The following IKZF1 variants were observed in gnomAD, a reference collection of about 807,000 sequenced individuals.
IKZF1 encodes the protein IKAROS family zinc finger 1.
In IKZF1, 10 loss-of-function variants were observed where a neutral mutation model predicts 51.7. That is an observed-to-expected ratio of 0.19 (90% confidence interval 0.12 to 0.33). The LOEUF is 0.33. IKZF1 is among the 10% of genes least tolerant of loss of function. The pLI is 1.00. For missense variants in IKZF1, 484 were observed against 707.5 expected, an observed-to-expected ratio of 0.68 and a Z score of 3.58; for synonymous variants, 280 against 282.3, an observed-to-expected ratio of 0.99 and a Z score of 0.08.
chr7:50,365,516 A>T (rs1286945344), intron 3 of IKZF1, among the ~76,000 whole-genome samples: 1 of 152,272 alleles, frequency 6.6e-6, no homozygotes, highest in African/African-American at 2.4e-5. Flanking sequence ...CATGTGGCCC[A>T]CAATCATATG....
intron 1 of IKZF1, among the ~76,000 whole-genome samples, chr7:50,305,867 C>G (rs1005495595): frequency 6.6e-6 from 1 of 152,046 alleles, no homozygotes; most frequent in East Asian, 1.9e-4. Context: ...CATAGACATT[C>G]AAATGCTTTT....
upstream of IKZF1, chr7:50,304,243 GGGGGACTCGGCGAC>G (rs1788229685): frequency 6.6e-6 from 1 of 150,472 alleles, no homozygotes; most frequent in Non-Finnish European, 1.5e-5. Context: ...CGCGCGAGCC[GGGGGACTCGGCGAC>G]GGGGCGGGGA....
At chr7:50,346,483 C>T (rs562912268) in intron 3 of IKZF1, among the ~76,000 whole-genome samples, 26 of 152,164 alleles carry the variant, frequency 1.7e-4, no homozygotes, top group Admixed American at 3.9e-4. Context: ...CTAAATAGCC[C>T]GTTCTCCTGG....
rs1818664711 is a variant in IKZF1, at chr7:50,404,470, G to GT, written c.*3844dup. On this transcript the variant is annotated 3_prime_UTR_variant, in exon 8 of 8. Transcript: ENST00000331340. Reference sequence around the variant, plus strand: ...CCTATCCCGTGAAGTCCACACTGGCGTAAGAGAAGGCCCAGCAGAGCAGGA... The same window carrying GT: ...CCTATCCCGTGAAGTCCACACTGGCGTTAAGAGAAGGCCCAGCAGAGCAGGA... The GT allele has an allele frequency of 4.4e-6, 1 of 229,560 alleles. No individual in the cohort carries two copies. Among genetic ancestry groups the GT allele is most frequent in the Admixed American group, 5.7e-5 (1 of 17,636 alleles). The allele number at this position is 229,560 out of a possible 1,614,324, so 14.2% of individuals were successfully genotyped here. A position where few individuals can be genotyped will look rare whatever the true frequency, so the allele number is the denominator to read the frequency against.
intron 1 of IKZF1, among the ~76,000 whole-genome samples, chr7:50,308,217 G>A (rs1182592810): frequency 2.0e-5 from 3 of 152,196 alleles, no homozygotes; most frequent in African/African-American, 4.8e-5. Flanking sequence ...TTTAAGTGGC[G>A]AAGTGCGGGC....
chr7:50,404,306 TATG>T lies in IKZF1; in HGVS notation c.*3686_*3688del. 1 of 223,878 alleles carries T rather than the reference TATG, an allele frequency of 4.5e-6. No homozygotes were observed. Among genetic ancestry groups the T allele is most frequent in the East Asian group, 6.5e-5 (1 of 15,466 alleles). The allele number at this position is 223,878 out of a possible 1,614,324, so 13.9% of individuals were successfully genotyped here. On this transcript the variant is annotated 3_prime_UTR_variant, in exon 8 of 8. Transcript: ENST00000331340. ...TGCAGTCATATTTCCAGTCTGCCTC[TATG>T]ATGATGTTAAATTATTGCTGTTTAG...
intron 1 of IKZF1, among the ~76,000 whole-genome samples, chr7:50,314,247 A>G (rs1020744388): frequency 1.3e-5 from 2 of 152,152 alleles, no homozygotes; most frequent in African/African-American, 4.8e-5. Flanking sequence ...AGTAGCAGAG[A>G]CTACAGGCGC....
At chr7:50,317,630 A>G (rs553926187) in intron 1 of IKZF1, among the ~76,000 whole-genome samples, 6 of 152,158 alleles carry the variant, frequency 3.9e-5, no homozygotes, top group Non-Finnish European at 8.8e-5. Flanking sequence ...TACCTTGAAA[A>G]TTCATGTCAC....
intron 3 of IKZF1, among the ~76,000 whole-genome samples, chr7:50,331,109 G>A (rs967496889): frequency 6.2e-4 from 95 of 152,162 alleles, no homozygotes; most frequent in Non-Finnish European, 9.9e-4. Context: ...AAGACACAAA[G>A]TAAAAAGGAC....
intron 5 of IKZF1, among the ~76,000 whole-genome samples, chr7:50,385,108 C>T (rs1170600042): frequency 1.3e-5 from 2 of 152,222 alleles, no homozygotes; most frequent in Non-Finnish European, 2.9e-5. Context: ...AGACTTTGGA[C>T]TGTGTATTTC....
intron 3 of IKZF1, among the ~76,000 whole-genome samples, chr7:50,329,993 G>A (rs1020669769): frequency 6.6e-6 from 1 of 152,152 alleles, no homozygotes; most frequent in Non-Finnish European, 1.5e-5. Context: ...TGTCCCTTAC[G>A]GACGTCATAT....
At chr7:50,381,174 G>A (rs1253267050) in intron 4 of IKZF1, among the ~76,000 whole-genome samples, 3 of 152,158 alleles carry the variant, frequency 2.0e-5, no homozygotes, top group Admixed American at 2.0e-4. Context: ...TTTTAAATCT[G>A]GTGTGGATGT....
In IKZF1 at chr7:50,401,683, G is replaced by A. The variant is rs535497369; in HGVS notation, c.*1056G>A. 1 of 218,654 alleles carries A rather than the reference G, an allele frequency of 4.6e-6. No homozygotes were observed. Among genetic ancestry groups the A allele is most frequent in the South Asian group, 1.9e-4 (1 of 5,398 alleles). The allele number at this position is 218,654 out of a possible 1,614,324, so 13.5% of individuals were successfully genotyped here. A position where few individuals can be genotyped will look rare whatever the true frequency, so the allele number is the denominator to read the frequency against. ...TATGTACATCTGTTTGTAGCCACAA[G>A]CCTGAATTTCTCAGTGTTGGTAAGT... On this transcript the variant is annotated 3_prime_UTR_variant, in exon 8 of 8. Transcript: ENST00000331340.
At chr7:50,307,033 A>G (rs1030268669) in intron 1 of IKZF1, among the ~76,000 whole-genome samples, 1 of 152,222 alleles carries the variant, frequency 6.6e-6, no homozygotes, top group Non-Finnish European at 1.5e-5. Flanking sequence ...GTGGAGTGAG[A>G]GGCATGGGGC....
At chr7:50,367,991 C>A in intron 3 of IKZF1, 1 of 668,014 alleles carries the variant, frequency 1.5e-6, no homozygotes, top group Admixed American at 2.2e-5. Context: ...TTTCTTTTTG[C>A]CTTCTTTATT....
At chr7:50,377,708 T>G (rs1015243255) in intron 4 of IKZF1, among the ~76,000 whole-genome samples, 1 of 152,248 alleles carries the variant, frequency 6.6e-6, no homozygotes, top group African/African-American at 2.4e-5. Context: ...ACACACTTAT[T>G]TAACTATAGG....
chr7:50,376,483 G>GTTT lies in IKZF1; in HGVS notation c.161-42_161-40dup, dbSNP rs112450927. On this transcript the variant is annotated intron_variant, in intron 3 of 7. Transcript: ENST00000331340. The surrounding 1 kb of genome is among the most constrained non-coding windows in gnomAD (Gnocchi z 4.5). ...TTTTGCTGCTGTGTTGTTTTGTTGA[G>GTTT]TTTTTTTTTTGCAATGACACTGAGT... 1 of 1,359,348 alleles carries GTTT rather than the reference G, an allele frequency of 7.4e-7. No individual in the cohort carries two copies. The highest frequency in any genetic ancestry group is 1.0e-6 in the Non-Finnish European group (1 of 996,212). 84.2% of individuals were successfully genotyped at this position (1,359,348 alleles called of 1,614,324 possible). A position where few individuals can be genotyped will look rare whatever the true frequency, so the allele number is the denominator to read the frequency against.
intron 2 of IKZF1, among the ~76,000 whole-genome samples, chr7:50,320,671 G>A (rs1008781587): frequency 1.3e-5 from 2 of 152,200 alleles, no homozygotes; most frequent in African/African-American, 4.8e-5. Context: ...CCACATGTGA[G>A]TGAGAACATG....
chr7:50,303,535 C>T (rs1040845972), upstream of IKZF1, among the ~76,000 whole-genome samples: 4 of 152,182 alleles, frequency 2.6e-5, no homozygotes, highest in Admixed American at 1.3e-4. The surrounding 1 kb of genome is among the most constrained non-coding windows in gnomAD (Gnocchi z 4.7). Flanking sequence ...GGAAGAGAGA[C>T]GAGAGGTATT....
Sources: allele counts gnomAD v4.1 joint callset (sites outside exome capture counted in the v4.1 genomes callset), GRCh38; gene constraint gnomAD v4.1.1; non-coding constraint Gnocchi (gnomAD v3.1); transcripts MANE v1.5; gene names NCBI Gene and HGNC (gene_info 2026-07-23, HGNC 2026-07-21).